PIPOX: variants seen among roughly 807,000 people sequenced by gnomAD.
The protein encoded by PIPOX is pipecolic acid and sarcosine oxidase, also known as peroxisomal sarcosine oxidase.
Under a neutral mutation model 47.9 loss-of-function variants are expected in PIPOX, and 45 were observed. That is an observed-to-expected ratio of 0.94 (90% confidence interval 0.74 to 1.20). The LOEUF (loss-of-function observed/expected upper bound fraction) is 1.20, where lower values mean the gene tolerates loss of function less well. Ranked by LOEUF, PIPOX falls within the 50% of genes most tolerant of loss-of-function variation. The pLI is 0.00. For synonymous variants in PIPOX, 165 were observed against 191.3 expected, an observed-to-expected ratio of 0.86 and a Z score of 1.13; for missense variants, 458 against 498.4, an observed-to-expected ratio of 0.92 and a Z score of 0.77.
chr17:29,048,246 T>C (rs1020762262), intron 2 of PIPOX, among the ~76,000 whole-genome samples: 2 of 152,220 alleles, frequency 1.3e-5, no homozygotes, highest in East Asian at 3.8e-4. Context: ...ATCATCTGTG[T>C]GGTTCTTACT....
rs527263839 is a variant in PIPOX, at chr17:29,049,756, G to A, written c.264-3164G>A. On this transcript the variant is annotated intron_variant, in intron 2 of 7. Coordinates refer to ENST00000323372, the MANE Select transcript of PIPOX (RefSeq NM_016518.3). ...CTCCAGCAGCGCACGGTTTCCCTCA[G>A]GCCAAATAGCTCAGCTGTGATCCAC... 2.9e-4 allele frequency among the ~76,000 whole-genome samples: 44 copies of A among 152,296 alleles called. No individual in the cohort carries two copies. The South Asian group carries it at 7.3e-3, about 25-fold the overall frequency.
In PIPOX at chr17:29,056,526, C is replaced by G; in HGVS notation, c.*221C>G. 1 of 584,916 alleles carries G rather than the reference C, an allele frequency of 1.7e-6. No individual in the cohort carries two copies. Among genetic ancestry groups the G allele is most frequent in the South Asian group, 2.2e-5 (1 of 44,936 alleles). The allele number at this position is 584,916 out of a possible 1,614,324, so 36.2% of individuals were successfully genotyped here. A position where few individuals can be genotyped will look rare whatever the true frequency, so the allele number is the denominator to read the frequency against. On this transcript the variant is annotated 3_prime_UTR_variant, in exon 8 of 8. Coordinates refer to ENST00000323372, the MANE Select transcript of PIPOX (RefSeq NM_016518.3). ...CGTAAACACCAGACGATTGAGTCTA[C>G]CTTCTTTTCTTGGCCACCTCCCCAT...
intron 2 of PIPOX, among the ~76,000 whole-genome samples, chr17:29,045,367 G>A (rs55931306): frequency 0.03 from 4,465 of 149,356 alleles, 185 homozygotes; most frequent in African/African-American, 0.1. Flanking sequence ...TAGGGCAGGG[G>A]TTGAGATAGA....
chr17:29,057,002 A>G lies in PIPOX; in HGVS notation c.*697A>G, dbSNP rs1420487691. On this transcript the variant is annotated 3_prime_UTR_variant, in exon 8 of 8. Transcript: ENST00000323372. ...CTGTCTCAAAAAAAAAACAAAACAA[A>G]AAAAACCTCTTTGCTGGTATATTTG... 1.3e-5 allele frequency: 2 copies of G among 152,114 alleles called. No individual in the cohort carries two copies. Among genetic ancestry groups the G allele is most frequent in the Non-Finnish European group, 2.9e-5 (2 of 68,062 alleles). The allele number at this position is 152,114 out of a possible 1,614,324, so 9.4% of individuals were successfully genotyped here. A position where few individuals can be genotyped will look rare whatever the true frequency, so the allele number is the denominator to read the frequency against.
At chr17:29,055,671 C>A in intron 6 of PIPOX, 142 bp from the exon 7 acceptor site, 1 of 736,274 alleles carries the variant, frequency 1.4e-6, no homozygotes, top group Non-Finnish European at 2.4e-6. Flanking sequence ...CCCAGAGGGG[C>A]ACGGGCATGC....
At chr17:29,047,801 G>A (rs1248390340) in intron 2 of PIPOX, among the ~76,000 whole-genome samples, 4 of 152,156 alleles carry the variant, frequency 2.6e-5, no homozygotes, top group African/African-American at 7.2e-5. Flanking sequence ...GGCCCTGGGT[G>A]TGGAAGATAC....
At position 29,044,477 on chromosome 17, in the gene PIPOX, AT is replaced by A. The variant is rs563825458; in HGVS notation, c.115-373del. 19 of 155,524 alleles carry A rather than the reference AT, an allele frequency of 1.2e-4. No individual in the cohort carries two copies. In the East Asian group the frequency reaches 1.7e-3, roughly 14 times the overall value. The allele number at this position is 155,524 out of a possible 1,614,324, so 9.6% of individuals were successfully genotyped here. A position where few individuals can be genotyped will look rare whatever the true frequency, so the allele number is the denominator to read the frequency against. On this transcript the variant is annotated intron_variant, in intron 1 of 7. Transcript: ENST00000323372. ...GAGAGAATTTGGAAAGATTGTGTGAATTTTTTTTTGTGGGGGGACAGGATCT... is the reference window on the plus strand; with the variant it reads ...GAGAGAATTTGGAAAGATTGTGTGAATTTTTTTTGTGGGGGGACAGGATCT...
chr17:29,044,954 G>T lies in PIPOX; in HGVS notation c.210G>T (p.Glu70Asp). Reference protein sequence around the residue: ...LEDFYTRMMHECYQIWAQLEH... With the variant: ...LEDFYTRMMHDCYQIWAQLEH... Reference sequence around the variant, plus strand: ...ACTTTTACACCCGGATGATGCATGAGTGCTATCAGATATGGGCCCAGCTGG... The same window carrying T: ...ACTTTTACACCCGGATGATGCATGATTGCTATCAGATATGGGCCCAGCTGG... Residue 70 changes from glutamate (E) to aspartate (D), a missense_variant, in exon 2 of 8, where the codon GAG (glutamate) becomes GAT (aspartate). Coordinates refer to ENST00000323372, the MANE Select transcript of PIPOX (RefSeq NM_016518.3). 6.2e-7 allele frequency: 1 copy of T among 1,614,050 alleles called. No homozygotes were observed. Among genetic ancestry groups the T allele is most frequent in the East Asian group, 2.2e-5 (1 of 44,862 alleles).
In PIPOX at chr17:29,054,568, C is replaced by G. The variant is rs2065819531; in HGVS notation, c.684C>G (p.Tyr228Ter). The G allele has an allele frequency of 6.2e-7, 1 of 1,614,100 alleles. No individual in the cohort carries two copies. The highest frequency in any genetic ancestry group is 1.7e-5 in the Admixed American group (1 of 60,010). Residue 228 changes from tyrosine (Y) to a stop codon, truncating the protein, a stop_gained, in exon 5 of 8, where the codon TAC (tyrosine) becomes TAG (stop). Transcript: ENST00000323372. LOFTEE classifies it high-confidence loss of function. ...AGACCCTGCGGATCAACGTGTGTTA[C>G]TGGCGAGAGATGGTTCCTGGGAGCT... ...PLQTLRINVCYWREMVPGSYG... is the reference protein window; with the variant it reads ...PLQTLRINVC
chr17:29,050,874 G>A (rs1598238048), intron 2 of PIPOX, among the ~76,000 whole-genome samples: 1 of 151,818 alleles, frequency 6.6e-6, no homozygotes, highest in African/African-American at 2.4e-5. Context: ...AGGTGCAGTG[G>A]CCCCTGCCTG....
intron 4 of PIPOX, 103 bp from the exon 5 acceptor site, chr17:29,054,442 C>T: frequency 1.6e-6 from 2 of 1,275,714 alleles, no homozygotes; most frequent in Admixed American, 1.8e-5. Flanking sequence ...AACTGGGTGT[C>T]CAGGCTTGTG....
intron 2 of PIPOX, among the ~76,000 whole-genome samples, chr17:29,051,281 C>T (rs780917011): frequency 3.3e-5 from 5 of 152,178 alleles, no homozygotes; most frequent in Non-Finnish European, 5.9e-5. Context: ...GTTGCTATCT[C>T]GCTGGTGGTG....
intron 2 of PIPOX, among the ~76,000 whole-genome samples, chr17:29,051,720 C>G (rs974215675): frequency 6.6e-5 from 10 of 152,158 alleles, no homozygotes; most frequent in Admixed American, 2.6e-4. Flanking sequence ...GAAACAAAAT[C>G]ACAGTCACTG....
In PIPOX at chr17:29,054,639, G is replaced by A. The variant is rs755044972; in HGVS notation, c.755G>A (p.Cys252Tyr). 1.3e-5 allele frequency: 21 copies of A among 1,614,060 alleles called. No individual in the cohort carries two copies. The Admixed American group carries it at 2.2e-4, about 17-fold the overall frequency. ...AFPCFLWLGL[C>Y]PHHIYGLPTG... ...CCGTGCTTCCTGTGGCTGGGCTTGTGTCCCCACCACATCTACGGACTGCCC... is the reference window on the plus strand; with the variant it reads ...CCGTGCTTCCTGTGGCTGGGCTTGTATCCCCACCACATCTACGGACTGCCC... The change falls in exon 5 of 8, where the codon TGT (cysteine) becomes TAT (tyrosine). Residue 252 changes from cysteine (C) to tyrosine (Y), a missense_variant. Cys to Tyr is a radical substitution (Grantham distance 194). Transcript: ENST00000323372.
At position 29,044,934 on chromosome 17, in the gene PIPOX, T is replaced by TAC; in HGVS notation, c.193_194dup (p.Arg66ProfsTer3). The TAC allele has an allele frequency of 6.2e-7, 1 of 1,614,194 alleles. No homozygotes were observed. Among genetic ancestry groups the TAC allele is most frequent in the African/African-American group, 1.3e-5 (1 of 75,062 alleles). On this transcript the variant is annotated frameshift_variant, in exon 2 of 8. Transcript: ENST00000323372. LOFTEE classifies it high-confidence loss of function. ...CCGAAAGGCGTACCTGGAAGACTTT[T>TAC]ACACCCGGATGATGCATGAGTGCTA...
At chr17:29,053,890 C>T (rs1344631439) in intron 4 of PIPOX, among the ~76,000 whole-genome samples, 1 of 152,142 alleles carries the variant, frequency 6.6e-6, no homozygotes, top group Non-Finnish European at 1.5e-5. Context: ...GTATATAAAG[C>T]CTTTAAGAGG....
Position 29,055,820 on chromosome 17 carries a change from C to G in PIPOX, c.974C>G (p.Pro325Arg), listed in dbSNP as rs527324849. 6 of 1,613,606 alleles carry G rather than the reference C, an allele frequency of 3.7e-6. No homozygotes were observed. In the African/African-American group the frequency reaches 8.0e-5, roughly 22 times the overall value. Reference sequence around the variant, plus strand: ...GTGACTGTTTCTTTCTAGAATACCCCTGATGAGCAGTTCATTCTCGATCGC... The same window carrying G: ...GTGACTGTTTCTTTCTAGAATACCCGTGATGAGCAGTTCATTCTCGATCGC... Reference protein sequence around the residue: ...VIESCMYTNTPDEQFILDRHP... With the variant: ...VIESCMYTNTRDEQFILDRHP... The change falls in exon 7 of 8, where the codon CCT becomes CGT. Residue 325 changes from proline (P) to arginine (R), a missense_variant. Transcript: ENST00000323372.
At chr17:29,051,478 G>C (rs566276639) in intron 2 of PIPOX, among the ~76,000 whole-genome samples, 2 of 152,202 alleles carry the variant, frequency 1.3e-5, no homozygotes, top group Admixed American at 6.5e-5. Flanking sequence ...GCTATTACGA[G>C]CTTTACACCC....
At chr17:29,054,996 C>A in intron 5 of PIPOX, 67 bp from the exon 6 acceptor site, 1 of 1,591,192 alleles carries the variant, frequency 6.3e-7, no homozygotes, top group Non-Finnish European at 8.6e-7. Context: ...TACACGCCTG[C>A]CCTTCGGCTG....
Sources: gnomAD v4.1 joint callset for allele counts (sites outside exome capture counted in the v4.1 genomes callset) on GRCh38, gnomAD v4.1.1 for gene constraint, MANE v1.5 for transcripts, NCBI Gene and HGNC (gene_info 2026-07-23, HGNC 2026-07-21) for gene names.